The following ZNF25 variants were observed in gnomAD, a reference collection of about 807,000 sequenced individuals.
The protein encoded by ZNF25 is zinc finger protein 25 (KOX 19).
Under a neutral mutation model 30.9 loss-of-function variants are expected in ZNF25, and 21 were observed. The ratio of observed to expected loss-of-function variants is 0.68; its 90% CI spans 0.48 to 0.98. The LOEUF (loss-of-function observed/expected upper bound fraction) is 0.98, where lower values mean the gene tolerates loss of function less well. Among genes scored for constraint, ZNF25 ranks in the 50% least tolerant of loss-of-function variants. ZNF25 has a pLI of 0.00. For missense variants in ZNF25, 501 were observed against 529.9 expected (o/e 0.95, Z 0.54); for synonymous variants, 169 against 181.3 (o/e 0.93, Z 0.55).
intron 2 of ZNF25, among the ~76,000 whole-genome samples, chr10:37,967,050 T>C (rs973684431): frequency 6.6e-6 from 1 of 152,168 alleles, no homozygotes; most frequent in East Asian, 1.9e-4. Context: ...TATACTAAGA[T>C]GAGACCTAAA....
chr10:37,961,922 C>CA (rs71533129), intron 2 of ZNF25, among the ~76,000 whole-genome samples: 3,757 of 38,210 alleles, frequency 0.098, 122 homozygotes, highest in African/African-American at 0.15. Context: ...AACTCCATCT[C>CA]AAAAAAAAAA....
chr10:37,968,918 A>C (rs568174301), intron 2 of ZNF25, among the ~76,000 whole-genome samples: 1 of 152,332 alleles, frequency 6.6e-6, no homozygotes, highest in Non-Finnish European at 1.5e-5. Flanking sequence ...ATTTAAGTAC[A>C]TGCAGGGGTC....
intron 1 of ZNF25, among the ~76,000 whole-genome samples, chr10:37,972,778 C>T (rs1403179659): frequency 6.6e-6 from 1 of 152,138 alleles, no homozygotes; most frequent in Non-Finnish European, 1.5e-5. Flanking sequence ...GATGACATGA[C>T]CCTATATTTA....
At chr10:37,975,535 TA>T (rs1255818913) in intron 1 of ZNF25, among the ~76,000 whole-genome samples, 1 of 152,190 alleles carries the variant, frequency 6.6e-6, no homozygotes, top group Non-Finnish European at 1.5e-5. Flanking sequence ...TTTTCATCTT[TA>T]AAAAAATTTT....
At position 37,971,707 on chromosome 10, in the gene ZNF25, C is replaced by T. The variant is rs1286519553; in HGVS notation, c.15+1G>A. The T allele has an allele frequency of 6.2e-7, 1 of 1,613,530 alleles. No homozygotes were observed. The highest frequency in any genetic ancestry group is 8.5e-7 in the Non-Finnish European group (1 of 1,179,958). On this transcript the variant is annotated splice_donor_variant, in intron 2 of 5. Coordinates refer to ENST00000302609, the MANE Select transcript of ZNF25 (RefSeq NM_145011.4). LOFTEE classifies it high-confidence loss of function. Reference sequence around the variant, plus strand: ...AAGTTAGGGCTAAGTAAATGACTCACCTGGAACTTGTTCATTTTCTGCTGC... The same window carrying T: ...AAGTTAGGGCTAAGTAAATGACTCATCTGGAACTTGTTCATTTTCTGCTGC...
At chr10:37,953,894 G>T (rs1313907412) in intron 4 of ZNF25, 136 bp from the exon 5 acceptor site, 3 of 791,166 alleles carry the variant, frequency 3.8e-6, no homozygotes, top group Admixed American at 2.8e-5. Context: ...CCATTGTTTT[G>T]GGAAAAAAAC....
At chr10:37,971,891 G>A (rs377687659) in intron 1 of ZNF25, 84 bp from the exon 2 acceptor site, 114 of 860,350 alleles carry the variant, frequency 1.3e-4, no homozygotes, top group Non-Finnish European at 1.9e-4. Context: ...AGCATAGTAA[G>A]GACCATGATG....
chr10:37,957,131 A>G lies in ZNF25; in HGVS notation c.143-16T>C. 1 of 1,604,452 alleles carries G rather than the reference A, an allele frequency of 6.2e-7. No individual in the cohort carries two copies. The highest frequency in any genetic ancestry group is 8.5e-7 in the Non-Finnish European group (1 of 1,171,878). On this transcript the variant is annotated splice_polypyrimidine_tract_variant and intron_variant, in intron 3 of 5. Coordinates refer to ENST00000302609, the MANE Select transcript of ZNF25 (RefSeq NM_145011.4). ...ACATGGTAACCTATGAATGGAAAAT[A>G]TCAAGGAAATGATACAAATTGCTTG...
chr10:37,959,287 G>A (rs1166998380), intron 2 of ZNF25, among the ~76,000 whole-genome samples: 3 of 152,060 alleles, frequency 2.0e-5, no homozygotes, highest in Non-Finnish European at 4.4e-5. Flanking sequence ...GTGGCAAATG[G>A]CACATTAGAA....
Position 37,957,066 on chromosome 10 carries a change from T to C in ZNF25, c.192A>G (p.Lys64=). The C allele has an allele frequency of 6.2e-7, 1 of 1,614,130 alleles. No individual in the cohort carries two copies. Among genetic ancestry groups the C allele is most frequent in the Non-Finnish European group, 8.5e-7 (1 of 1,180,012 alleles). The part of the protein sequence containing the change: ...PNAVFKLKQG[K]EPWILEVEFP... ...ATTCTACTTCTAATATCCATGGCTC[T>C]TTTCCTTGCTTCAACTTGAAGACTG... Residue 64 remains lysine, a synonymous_variant, in exon 4 of 6, where the codon AAA becomes AAG. Coordinates refer to ENST00000302609, the MANE Select transcript of ZNF25 (RefSeq NM_145011.4).
intron 1 of ZNF25, among the ~76,000 whole-genome samples, chr10:37,975,006 A>C (rs2063721528): frequency 1.3e-5 from 2 of 152,228 alleles, no homozygotes; most frequent in South Asian, 4.1e-4. Flanking sequence ...GAAATAAGCC[A>C]GGCACAGAAA....
intron 2 of ZNF25, among the ~76,000 whole-genome samples, chr10:37,967,186 A>C (rs1425138098): frequency 6.6e-6 from 1 of 152,176 alleles, no homozygotes; most frequent in African/African-American, 2.4e-5. Flanking sequence ...TTTGCACAGA[A>C]ATGGAAAAGA....
At position 37,951,980 on chromosome 10, in the gene ZNF25, C is replaced by T; in HGVS notation, c.*147G>A. 2 of 632,222 alleles carry T rather than the reference C, an allele frequency of 3.2e-6. No homozygotes were observed. The highest frequency in any genetic ancestry group is 6.1e-5 in the South Asian group (2 of 32,928). 39.2% of individuals were successfully genotyped at this position (632,222 alleles called of 1,614,324 possible). A position where few individuals can be genotyped will look rare whatever the true frequency, so the allele number is the denominator to read the frequency against. On this transcript the variant is annotated 3_prime_UTR_variant, in exon 6 of 6. Coordinates refer to ENST00000302609, the MANE Select transcript of ZNF25 (RefSeq NM_145011.4). ...TCTCCCAAATAAATGTACAGAATCT[C>T]TCTATGTATTTGCTGATACACAGAG...
chr10:37,953,841 A>G (rs2062344313), intron 4 of ZNF25, 83 bp from the exon 5 acceptor site: 3 of 1,269,736 alleles, frequency 2.4e-6, no homozygotes, highest in Non-Finnish European at 3.3e-6. Context: ...CTTCAGGCCA[A>G]TTTCTCATAA....
At chr10:37,969,944 T>C (rs2063396386) in intron 2 of ZNF25, among the ~76,000 whole-genome samples, 1 of 152,160 alleles carries the variant, frequency 6.6e-6, no homozygotes, top group African/African-American at 2.4e-5. Flanking sequence ...AAGGCTCACA[T>C]GACCCTGAGA....
At chr10:37,959,094 C>G (rs988791119) in intron 2 of ZNF25, among the ~76,000 whole-genome samples, 2 of 152,016 alleles carry the variant, frequency 1.3e-5, no homozygotes, top group African/African-American at 4.8e-5. Context: ...TTATATAAGA[C>G]AAAACACAAA....
intron 5 of ZNF25, chr10:37,953,429 C>A (rs1212652096): frequency 3.3e-6 from 2 of 602,098 alleles, no homozygotes; most frequent in Non-Finnish European, 5.8e-6. Flanking sequence ...CTCTCAATTG[C>A]CTGCATTCTA....
chr10:37,960,864 A>G (rs2062832028), intron 2 of ZNF25, among the ~76,000 whole-genome samples: 1 of 152,198 alleles, frequency 6.6e-6, no homozygotes, highest in Admixed American at 6.5e-5. Context: ...CAAAGGAGTG[A>G]AAACTGTAAT....
intron 2 of ZNF25, among the ~76,000 whole-genome samples, chr10:37,961,739 T>C (rs980769021): frequency 1.1e-4 from 16 of 147,416 alleles, no homozygotes; most frequent in Non-Finnish European, 1.5e-4. Context: ...CTGACCAACA[T>C]GGAAAAACCC....
Sources: allele counts gnomAD v4.1 joint callset (sites outside exome capture counted in the v4.1 genomes callset), GRCh38; gene constraint gnomAD v4.1.1; transcripts MANE v1.5; gene names NCBI Gene and HGNC (gene_info 2026-07-23, HGNC 2026-07-21).